The following FTO variants were observed in gnomAD, a reference collection of about 807,000 sequenced individuals.
FTO encodes the protein alpha-ketoglutarate-dependent dioxygenase FTO.
A neutral mutation model predicts 63.9 loss-of-function variants in FTO; 47 were observed. The observed-to-expected ratio is 0.74, with a 90% CI of 0.58 to 0.94. The LOEUF (loss-of-function observed/expected upper bound fraction) is 0.94. FTO is among the 40% of genes least tolerant of loss of function. The probability of loss-of-function intolerance (pLI) is 0.00; values close to 1 mark genes in which losing one functional copy is unlikely to be tolerated. For missense variants in FTO, 562 were observed against 618.1 expected, an observed-to-expected ratio of 0.91 and a Z score of 0.96; for synonymous variants, 207 against 224.4, an observed-to-expected ratio of 0.92 and a Z score of 0.69.
chr16:53,878,294 C>A (rs745634288), intron 5 of FTO, among the ~76,000 whole-genome samples: 1 of 151,872 alleles, frequency 6.6e-6, no homozygotes, highest in South Asian at 2.1e-4. Flanking sequence ...GAGAGTGAGA[C>A]CCCGTCTCAA....
intron 8 of FTO, among the ~76,000 whole-genome samples, chr16:53,973,605 C>G (rs557806132): frequency 1.3e-5 from 2 of 152,248 alleles, no homozygotes; most frequent in African/African-American, 4.8e-5. Flanking sequence ...TTCTGCCTCT[C>G]CCTAGAGCTC....
chr16:54,012,881 A>G (rs1202779677), intron 8 of FTO, among the ~76,000 whole-genome samples: 3 of 151,980 alleles, frequency 2.0e-5, no homozygotes, highest in Non-Finnish European at 2.9e-5. Context: ...TTGACAATGC[A>G]TGTGGTCACC....
intron 4 of FTO, among the ~76,000 whole-genome samples, chr16:53,872,478 A>G (rs1470317533): frequency 6.6e-6 from 1 of 152,122 alleles, no homozygotes; most frequent in Non-Finnish European, 1.5e-5. Flanking sequence ...CCTCTTCTCT[A>G]TTCTGTGGCA....
At chr16:53,908,588 C>G (rs150628120) in intron 7 of FTO, among the ~76,000 whole-genome samples, 58 of 152,276 alleles carry the variant, frequency 3.8e-4, no homozygotes, top group African/African-American at 1.4e-3. Context: ...CTGTGCCTGT[C>G]TAGGTTGGCA....
intron 7 of FTO, among the ~76,000 whole-genome samples, chr16:53,919,693 A>C (rs933046578): frequency 1.3e-5 from 2 of 152,220 alleles, no homozygotes; most frequent in African/African-American, 4.8e-5. Context: ...AGCAACCTGG[A>C]TGGAATTGGA....
intron 8 of FTO, among the ~76,000 whole-genome samples, chr16:53,985,309 G>A (rs528945961): frequency 1.8e-4 from 27 of 152,280 alleles, no homozygotes; most frequent in African/African-American, 5.5e-4. Context: ...GATTCAAAGC[G>A]TTCAACCTGA....
At chr16:53,716,793 G>A (rs1277347163) in intron 1 of FTO, among the ~76,000 whole-genome samples, 2 of 150,864 alleles carry the variant, frequency 1.3e-5, no homozygotes, top group Non-Finnish European at 3.0e-5. Context: ...TAACAAATAT[G>A]GAAAAATATG....
intron 3 of FTO, among the ~76,000 whole-genome samples, chr16:53,828,326 T>C (rs1349699405): frequency 1.3e-5 from 2 of 152,162 alleles, no homozygotes; most frequent in Admixed American, 1.3e-4. Context: ...TTCACGCCAT[T>C]CTTCTGCCTC....
chr16:53,883,641 A>C (rs915799118), intron 6 of FTO, among the ~76,000 whole-genome samples: 1 of 149,392 alleles, frequency 6.7e-6, no homozygotes, highest in African/African-American at 2.5e-5. Context: ...AAAAACAAAA[A>C]AAAAAAAACA....
chr16:53,911,582 T>A, intron 7 of FTO: 3 of 670,930 alleles, frequency 4.5e-6, no homozygotes, highest in Non-Finnish European at 8.2e-6. Context: ...CCATTCTGTG[T>A]GGCACTGATG....
intron 5 of FTO, among the ~76,000 whole-genome samples, chr16:53,878,376 G>A (rs1484464044): frequency 6.6e-6 from 1 of 152,100 alleles, no homozygotes; most frequent in South Asian, 2.1e-4. Context: ...TTCTTTGTGG[G>A]GTTTTTTTTG....
intron 4 of FTO, among the ~76,000 whole-genome samples, chr16:53,873,577 A>C (rs1176255915): frequency 6.6e-6 from 1 of 150,542 alleles, no homozygotes; most frequent in Non-Finnish European, 1.5e-5. Flanking sequence ...TCTACTTATA[A>C]GTAGATACGC....
chr16:53,883,640 A>C lies in FTO; in HGVS notation c.1119+3653A>C, dbSNP rs991418241. Among the ~76,000 whole-genome samples, 25 of 150,300 alleles carry C rather than the reference A, an allele frequency of 1.7e-4. 2 individuals are homozygous for C. Among genetic ancestry groups the C allele is most frequent in the South Asian group, 8.5e-4 (4 of 4,702 alleles). On this transcript the variant is annotated intron_variant, in intron 6 of 8. Coordinates refer to ENST00000471389, the MANE Select transcript of FTO (RefSeq NM_001080432.3). ...TCTATCTCAAAAAAAAAAAAACAAA[A>C]AAAAAAAAACAAATTTGTCTGCTTC...
chr16:53,912,422 A>AT (rs1394098502), intron 7 of FTO, among the ~76,000 whole-genome samples: 3 of 152,230 alleles, frequency 2.0e-5, no homozygotes, highest in Non-Finnish European at 4.4e-5. Context: ...AGTGTCTTCC[A>AT]TTAGCATCAT....
rs57925273 is a variant in FTO at position 53,950,155 on chromosome 16, T to TAAAAAAAAAAAAAAAAAAAAAAAAAAA, written c.1364+16070_1364+16071insAAAAAAAAAAAAAAAAAAAAAAAAAAA. 2.4e-3 allele frequency among the ~76,000 whole-genome samples: 123 copies of TAAAAAAAAAAAAAAAAAAAAAAAAAAA among 50,608 alleles called. 13 individuals carry two copies. The highest frequency in any genetic ancestry group is 4.1e-3 in the Admixed American group (14 of 3,448). 33.2% of individuals were successfully genotyped at this position (50,608 alleles called of 152,430 possible). A position where few individuals can be genotyped will look rare whatever the true frequency, so the allele number is the denominator to read the frequency against. On this transcript the variant is annotated intron_variant, in intron 8 of 8. Coordinates refer to ENST00000471389, the MANE Select transcript of FTO (RefSeq NM_001080432.3). Reference sequence around the variant, plus strand: ...GGAAAAAAAAAGATATTCACATTTGTAAAAAAAAAAAAAAAAAAAAAAAAC... The same window carrying TAAAAAAAAAAAAAAAAAAAAAAAAAAA: ...GGAAAAAAAAAGATATTCACATTTGTAAAAAAAAAAAAAAAAAAAAAAAAAAAAAAAAAAAAAAAAAAAAAAAAAAAC...
At chr16:53,968,436 A>G (rs1283215342) in intron 8 of FTO, among the ~76,000 whole-genome samples, 1 of 152,206 alleles carries the variant, frequency 6.6e-6, no homozygotes, top group East Asian at 1.9e-4. Flanking sequence ...CAAGTACAGC[A>G]CCATCATCGC....
chr16:53,748,213 TG>T (rs1444893204), intron 1 of FTO, among the ~76,000 whole-genome samples: 2 of 152,198 alleles, frequency 1.3e-5, no homozygotes, highest in East Asian at 1.9e-4. Flanking sequence ...GACATTGGAA[TG>T]TTGATAGGGA....
At chr16:53,774,316 C>A (rs1171724192) in intron 1 of FTO, among the ~76,000 whole-genome samples, 1 of 152,078 alleles carries the variant, frequency 6.6e-6, no homozygotes, top group African/African-American at 2.4e-5. Flanking sequence ...CTCAATATAC[C>A]TTTGCTTATA....
intron 8 of FTO, among the ~76,000 whole-genome samples, chr16:53,984,334 T>C (rs1257472820): frequency 2.2e-5 from 3 of 133,940 alleles, no homozygotes; most frequent in African/African-American, 3.1e-5. Flanking sequence ...TTTTTTTTTT[T>C]TTTTTTTTTT....
Sources: allele counts gnomAD v4.1 joint callset (sites outside exome capture counted in the v4.1 genomes callset), GRCh38; gene constraint gnomAD v4.1.1; transcripts MANE v1.5; gene names NCBI Gene and HGNC (gene_info 2026-07-23, HGNC 2026-07-21).